Variants in SPATA13 observed in about 807,000 individuals in gnomAD.
The protein encoded by SPATA13 is spermatogenesis associated 13.
In SPATA13, 50 loss-of-function variants were observed where a neutral mutation model predicts 104.0. The observed-to-expected ratio is 0.48, with a 90% CI of 0.38 to 0.61. The LOEUF (loss-of-function observed/expected upper bound fraction) is 0.61, where lower values mean the gene tolerates loss of function less well. Among genes scored for constraint, SPATA13 ranks in the 20% least tolerant of loss-of-function variants. The probability of loss-of-function intolerance (pLI) is 0.00; values close to 1 mark genes in which losing one functional copy is unlikely to be tolerated. For synonymous variants in SPATA13, 606 were observed against 667.5 expected (o/e 0.91, Z 1.42); for missense variants, 1,524 against 1,690.6 (o/e 0.90, Z 1.73).
At chr13:24,022,442 C>A (rs935582320) in intron 3 of SPATA13, among the ~76,000 whole-genome samples, 1 of 152,134 alleles carries the variant, frequency 6.6e-6, no homozygotes, top group Non-Finnish European at 1.5e-5. Flanking sequence ...GAAATGAGTA[C>A]TTCTTAGCAT....
chr13:24,121,608 T>C (rs1345696559), intron 3 of SPATA13, among the ~76,000 whole-genome samples: 1 of 152,154 alleles, frequency 6.6e-6, no homozygotes, highest in Non-Finnish European at 1.5e-5. Context: ...AGATACCCAA[T>C]GGTGAGGAAG....
intron 1 of SPATA13, among the ~76,000 whole-genome samples, chr13:24,165,502 G>A (rs1364694532): frequency 6.6e-6 from 1 of 152,168 alleles, no homozygotes; most frequent in Admixed American, 6.5e-5. Context: ...AATGGAGGGA[G>A]GCAAGCTGCC....
chr13:24,206,305 G>GA (rs1481385786), intron 1 of SPATA13, among the ~76,000 whole-genome samples: 2 of 151,854 alleles, frequency 1.3e-5, no homozygotes, highest in Non-Finnish European at 2.9e-5. Flanking sequence ...CACAAAACAT[G>GA]AAAAAAAGCT....
Position 24,223,653 on chromosome 13 carries a change from C to G in SPATA13, c.724C>G (p.Pro242Ala), listed in dbSNP as rs780559456. The change falls in exon 2 of 13, where the codon CCT becomes GCT. Residue 242 changes from proline to alanine, a missense_variant. Physicochemically the swap from Pro to Ala is conservative, Grantham distance 27 (BLOSUM62 -1). Coordinates refer to ENST00000382108, the MANE Select transcript of SPATA13 (RefSeq NM_001166271.3). The stretch of plus-strand genomic sequence containing the variant: ...CGTGTGTGAGATTCTCGTGAGGGAC[C>G]CTGAAAACAACAGCATGGGCTACAG... ...PAVCEILVRD[P>A]ENNSMGYRRS... The G allele has an allele frequency of 4.5e-6, 7 of 1,552,134 alleles. No homozygotes were observed. In the South Asian group the frequency reaches 8.3e-5, roughly 18 times the overall value.
chr13:24,017,740 T>C, intron 3 of SPATA13: 2 of 975,942 alleles, frequency 2.0e-6, no homozygotes, highest in Non-Finnish European at 2.4e-6. Flanking sequence ...CTCTCCTTCC[T>C]CCTTCTTTCT....
At position 24,145,491 on chromosome 13, in the gene SPATA13, A is replaced by G. The variant is rs151289020; in HGVS notation, c.-111-77328A>G. ...CAGTTCATGTGAGTCCACAGAGGAC[A>G]TAAACCGAGTGAGCTGGTAACAGAT... On this transcript the variant is annotated intron_variant, in intron 3 of 14. Coordinates refer to the SPATA13 transcript ENST00000424834. 1.0e-2 allele frequency among the ~76,000 whole-genome samples: 1,516 copies of G among 152,324 alleles called. 27 individuals are homozygous for G. The highest frequency in any genetic ancestry group is 0.034 in the African/African-American group (1,427 of 41,556).
At chr13:24,041,231 A>G (rs914100239) in intron 3 of SPATA13, among the ~76,000 whole-genome samples, 1 of 152,254 alleles carries the variant, frequency 6.6e-6, no homozygotes, top group East Asian at 1.9e-4. Flanking sequence ...AGGTGGTGAC[A>G]TGTTTTGAAG....
At chr13:24,261,428 G>A (rs1874059085) in intron 4 of SPATA13, among the ~76,000 whole-genome samples, 2 of 152,138 alleles carry the variant, frequency 1.3e-5, no homozygotes. Context: ...ATCCTTGATT[G>A]TGAAGCTCTG....
chr13:24,202,205 CTTG>C (rs1449567638), intron 1 of SPATA13, among the ~76,000 whole-genome samples: 1 of 151,842 alleles, frequency 6.6e-6, no homozygotes, highest in Non-Finnish European at 1.5e-5. Flanking sequence ...GATATATTAC[CTTG>C]TTGTGTGTTG....
intron 3 of SPATA13, among the ~76,000 whole-genome samples, chr13:24,119,887 T>A (rs1880979379): frequency 6.6e-6 from 1 of 152,218 alleles, no homozygotes; most frequent in South Asian, 2.1e-4. Flanking sequence ...TGGGACAATG[T>A]CCTGATAGTA....
Position 24,137,129 on chromosome 13 carries a change from C to G in SPATA13, c.-111-85690C>G, listed in dbSNP as rs538705384. Among the ~76,000 whole-genome samples the G allele has an allele frequency of 5.7e-5, 2 of 35,056 alleles. 1 individual carries two copies. Among genetic ancestry groups the G allele is most frequent in the African/African-American group, 1.7e-4 (2 of 11,478 alleles). The allele number at this position is 35,056 out of a possible 152,430, so 23.0% of individuals were successfully genotyped here. ...ACAGGCGTGAGCCACCGCGCCCGGCCTGTTCTTTATTTTTATGAGAGATAA... is the reference window on the plus strand; with the variant it reads ...ACAGGCGTGAGCCACCGCGCCCGGCGTGTTCTTTATTTTTATGAGAGATAA... On this transcript the variant is annotated intron_variant, in intron 3 of 14. Transcript: ENST00000424834.
intron 1 of SPATA13, among the ~76,000 whole-genome samples, chr13:24,198,202 C>T (rs763065546): frequency 1.6e-4 from 25 of 152,206 alleles, no homozygotes; most frequent in Non-Finnish European, 3.1e-4. Flanking sequence ...ACTGTGTTGG[C>T]CAGGCTGGTC....
intron 2 of SPATA13, among the ~76,000 whole-genome samples, chr13:24,238,953 T>C (rs897975575): frequency 1.3e-5 from 2 of 152,222 alleles, no homozygotes; most frequent in Non-Finnish European, 2.9e-5. Context: ...TGATGGCTCC[T>C]GTGCGGGCAG....
At chr13:24,249,218 A>C (rs1873333976) in intron 2 of SPATA13, among the ~76,000 whole-genome samples, 1 of 152,244 alleles carries the variant, frequency 6.6e-6, no homozygotes, top group South Asian at 2.1e-4. Context: ...ATTGGTCACC[A>C]AACCACTATT....
At chr13:24,246,537 T>A (rs76342710) in intron 2 of SPATA13, among the ~76,000 whole-genome samples, 5,400 of 152,252 alleles carry the variant, frequency 0.035, 290 homozygotes, top group Admixed American at 0.14. Context: ...TGTGCGTGTC[T>A]CTGTGTGTGA....
chr13:23,997,905 T>A (rs1381106066), intron 2 of SPATA13, among the ~76,000 whole-genome samples: 1 of 152,166 alleles, frequency 6.6e-6, no homozygotes, highest in African/African-American at 2.4e-5. Flanking sequence ...GGGATCATAT[T>A]TGAATATCAG....
At position 24,105,879 on chromosome 13, in the gene SPATA13, G is replaced by T. The variant is rs574506633; in HGVS notation, c.-112+88178G>T. Among the ~76,000 whole-genome samples, 20 of 152,268 alleles carry T rather than the reference G, an allele frequency of 1.3e-4. No individual in the cohort carries two copies. The South Asian group carries it at 4.1e-3, about 32-fold the overall frequency. ...ACACACAGAGGGTAGACCTTGTGAA[G>T]ACACAGGGTGAAGACGGCCACCTGT... On this transcript the variant is annotated intron_variant, in intron 3 of 14. Coordinates refer to the SPATA13 transcript ENST00000424834.
chr13:24,157,423 G>A (rs1429610598), upstream of SPATA13, among the ~76,000 whole-genome samples: 2 of 151,988 alleles, frequency 1.3e-5, no homozygotes, highest in Non-Finnish European at 2.9e-5. Flanking sequence ...CTTAGCCTCC[G>A]GAGTAGCTGG....
rs191127443 is a variant in SPATA13, at chr13:24,285,082, C to T, written c.2301+811C>T. Reference sequence around the variant, plus strand: ...CTTGAGCAGAACGTGTGGAGCATAACTCCTTAGTGAGTCAGCGTCTTTACT... The same window carrying T: ...CTTGAGCAGAACGTGTGGAGCATAATTCCTTAGTGAGTCAGCGTCTTTACT... On this transcript the variant is annotated intron_variant, in intron 5 of 12. Coordinates refer to ENST00000382108, the MANE Select transcript of SPATA13 (RefSeq NM_001166271.3). Among the ~76,000 whole-genome samples the T allele has an allele frequency of 3.8e-3, 584 of 152,180 alleles. 2 individuals carry two copies. Among genetic ancestry groups the T allele is most frequent in the Middle Eastern group, 0.014 (4 of 294 alleles).
Sources: allele counts gnomAD v4.1 joint callset (sites outside exome capture counted in the v4.1 genomes callset), GRCh38; gene constraint gnomAD v4.1.1; transcripts MANE v1.5; gene names NCBI Gene and HGNC (gene_info 2026-07-23, HGNC 2026-07-21).